The following DOCK9 variants were observed in gnomAD, a reference collection of about 807,000 sequenced individuals.
The protein encoded by DOCK9 is dedicator of cytokinesis protein 9.
DOCK9 carries 89 observed loss-of-function variants against 263.3 expected under a neutral mutation model. That is an observed-to-expected ratio of 0.34 (90% CI 0.28 to 0.40). The LOEUF is 0.40. DOCK9 is among the 10% of genes least tolerant of loss of function. The probability of loss-of-function intolerance (pLI) is 1.00; values close to 1 mark genes in which losing one functional copy is unlikely to be tolerated. For missense variants in DOCK9, 2,140 were observed against 2,603.4 expected (o/e 0.82, Z 3.87); for synonymous variants, 976 against 973.1 (o/e 1.00, Z -0.06).
chr13:98,974,965 C>T (rs926300067), intron 1 of DOCK9, among the ~76,000 whole-genome samples: 8 of 152,162 alleles, frequency 5.3e-5, no homozygotes, highest in Non-Finnish European at 1.2e-4. Context: ...TGCCTACATG[C>T]TTTAAGATCT....
At chr13:98,986,190 T>C (rs1791306739) in intron 1 of DOCK9, among the ~76,000 whole-genome samples, 1 of 152,252 alleles carries the variant, frequency 6.6e-6, no homozygotes, top group South Asian at 2.1e-4. Context: ...AGTTCATTGG[T>C]TTTGTAGACC....
At chr13:99,046,220 G>A (rs1035273450) in intron 1 of DOCK9, among the ~76,000 whole-genome samples, 7 of 152,182 alleles carry the variant, frequency 4.6e-5, no homozygotes, top group African/African-American at 1.4e-4. Context: ...GGCTCAGCAC[G>A]GGGCAGAACA....
chr13:98,869,626 A>G (rs1161811022), intron 27 of DOCK9, among the ~76,000 whole-genome samples: 1 of 152,254 alleles, frequency 6.6e-6, no homozygotes, highest in African/African-American at 2.4e-5. Context: ...AGGCTTAGAG[A>G]GCTCACTAAA....
At chr13:98,979,264 A>G (rs1222345833), upstream of DOCK9, among the ~76,000 whole-genome samples, 1 of 146,028 alleles carries the variant, frequency 6.8e-6, no homozygotes, top group Non-Finnish European at 1.5e-5. Context: ...AGCAGTATTC[A>G]GTCAGTCAAC....
In DOCK9 at chr13:98,862,241, G is replaced by C. The variant is rs1485401317; in HGVS notation, c.3579+778C>G. ...CAAAATAAAGGGGTGTGTGTACTGG[G>C]TTGAATAGTGTCCCGCAATAAATTC... On this transcript the variant is annotated intron_variant, in intron 32 of 52. Coordinates refer to ENST00000682017, the MANE Select transcript of DOCK9 (RefSeq NM_001366683.2). Among the ~76,000 whole-genome samples the C allele has an allele frequency of 3.9e-5, 6 of 152,184 alleles. No individual in the cohort carries two copies. In the South Asian group the frequency reaches 6.2e-4, roughly 16 times the overall value.
At chr13:98,809,301 G>GTT (rs113421628) in intron 47 of DOCK9, 51 bp downstream of exon 47, 99 of 1,370,350 alleles carry the variant, frequency 7.2e-5, no homozygotes, top group Middle Eastern at 3.7e-4. Context: ...TTTTGTTTTT[G>GTT]TTTTTTTTTA....
intron 47 of DOCK9, among the ~76,000 whole-genome samples, chr13:98,808,897 T>C (rs1207742707): frequency 4.6e-5 from 7 of 152,308 alleles, no homozygotes; most frequent in Non-Finnish European, 1.0e-4. Flanking sequence ...AGGATAAAGA[T>C]GCACAGGCAC....
At chr13:98,857,170 A>G (rs1477068677) in intron 33 of DOCK9, 3 of 152,216 alleles carry the variant, frequency 2.0e-5, no homozygotes, top group Non-Finnish European at 4.4e-5. Flanking sequence ...GGCAGATGGC[A>G]TCAGGAGATT....
intron 1 of DOCK9, among the ~76,000 whole-genome samples, chr13:99,082,867 G>A (rs1246039038): frequency 1.3e-5 from 2 of 152,180 alleles, no homozygotes; most frequent in African/African-American, 2.4e-5. Flanking sequence ...CAGCTGGTGA[G>A]GCATAAAACC....
At chr13:98,924,858 A>G (rs554159826) in intron 4 of DOCK9, among the ~76,000 whole-genome samples, 1 of 152,200 alleles carries the variant, frequency 6.6e-6, no homozygotes, top group East Asian at 1.9e-4. Flanking sequence ...CTGCAGAACT[A>G]TAAGCGAAAT....
chr13:99,049,821 A>G (rs754032260), intron 1 of DOCK9, among the ~76,000 whole-genome samples: 1 of 152,216 alleles, frequency 6.6e-6, no homozygotes, highest in Non-Finnish European at 1.5e-5. Context: ...CCCAGCCAAT[A>G]GCTAAATTTT....
At chr13:98,803,190 C>A (rs1225226541) in intron 49 of DOCK9, among the ~76,000 whole-genome samples, 1 of 152,198 alleles carries the variant, frequency 6.6e-6, no homozygotes, top group African/African-American at 2.4e-5. Flanking sequence ...CTCTGAAGCG[C>A]ACTCTCTGTC....
rs989726331 is a variant in DOCK9, at chr13:98,954,832, C to A, written c.243+603G>T. 6.6e-5 allele frequency among the ~76,000 whole-genome samples: 10 copies of A among 150,946 alleles called. No individual in the cohort carries two copies. In the East Asian group the frequency reaches 1.6e-3, roughly 24 times the overall value. The stretch of plus-strand genomic sequence containing the variant: ...AAGGCACTTGTGCCCACTAAATCAG[C>A]CCAGACAGAGTATAGCACTTTTATT... On this transcript the variant is annotated intron_variant, in intron 2 of 52. Coordinates refer to ENST00000682017, the MANE Select transcript of DOCK9 (RefSeq NM_001366683.2).
chr13:98,897,746 A>C, intron 14 of DOCK9, 136 bp from the exon 15 acceptor site: 1 of 1,233,004 alleles, frequency 8.1e-7, no homozygotes, highest in Non-Finnish European at 1.1e-6. Context: ...TTATCTAAAA[A>C]CATGGAAAAC....
chr13:98,855,835 C>A (rs1373178064), intron 34 of DOCK9, 63 bp downstream of exon 34: 9 of 1,591,174 alleles, frequency 5.7e-6, no homozygotes, highest in Middle Eastern at 1.7e-4. Context: ...ACATGAAGTA[C>A]GTTTACTTTG....
chr13:98,878,249 G>A (rs2044175947), intron 27 of DOCK9, among the ~76,000 whole-genome samples: 1 of 152,176 alleles, frequency 6.6e-6, no homozygotes, highest in Admixed American at 6.5e-5. Flanking sequence ...AAGCCACCCA[G>A]TCTGTGGTAC....
chr13:98,940,656 T>C (rs750605381), intron 2 of DOCK9, among the ~76,000 whole-genome samples: 1 of 152,078 alleles, frequency 6.6e-6, no homozygotes, highest in Non-Finnish European at 1.5e-5. Flanking sequence ...ATCCATCTTG[T>C]TGGTGGTCTT....
At chr13:99,007,976 C>A (rs1424400153) in intron 1 of DOCK9, among the ~76,000 whole-genome samples, 1 of 151,992 alleles carries the variant, frequency 6.6e-6, no homozygotes, top group African/African-American at 2.4e-5. Flanking sequence ...TACTCCAGAT[C>A]TGGAAATCTG....
intron 10 of DOCK9, among the ~76,000 whole-genome samples, chr13:98,904,160 T>C (rs1227477683): frequency 6.6e-6 from 1 of 152,138 alleles, no homozygotes; most frequent in Non-Finnish European, 1.5e-5. Flanking sequence ...AACAAAAACT[T>C]CTTAAAAGCA....
Sources: allele counts gnomAD v4.1 joint callset (sites outside exome capture counted in the v4.1 genomes callset), GRCh38; gene constraint gnomAD v4.1.1; transcripts MANE v1.5; gene names NCBI Gene and HGNC (gene_info 2026-07-23, HGNC 2026-07-21).